POLI: variants seen among roughly 807,000 people sequenced by gnomAD.
POLI encodes the protein RAD30 homolog B.
POLI carries 58 observed loss-of-function variants against 51.6 expected under a neutral mutation model. The ratio of observed to expected loss-of-function variants is 1.12; its 90% CI spans 0.91 to 1.40. POLI has a LOEUF of 1.40. POLI is among the 40% of genes most tolerant of loss of function. The probability of loss-of-function intolerance (pLI) is 0.00; values close to 1 mark genes in which losing one functional copy is unlikely to be tolerated. For synonymous variants in POLI, 322 were observed against 299.7 expected, an observed-to-expected ratio of 1.07 and a Z score of -0.77; for missense variants, 921 against 871.3, an observed-to-expected ratio of 1.06 and a Z score of -0.72.
Position 54,294,608 on chromosome 18 carries a change from A to G in POLI, c.*141A>G, listed in dbSNP as rs939669075. 3.1e-6 allele frequency: 4 copies of G among 1,300,252 alleles called. No homozygotes were observed. The highest frequency in any genetic ancestry group is 1.5e-5 in the African/African-American group (1 of 66,140). The allele number at this position is 1,300,252 out of a possible 1,614,324, so 80.5% of individuals were successfully genotyped here. ...TCCAGATAAAGCAAGAATAGTTGCA[A>G]GAAGTAAATTCTGGCACAAAGCGTA... is the stretch of plus-strand genomic sequence containing the variant. On this transcript the variant is annotated 3_prime_UTR_variant, in exon 10 of 10. Coordinates refer to ENST00000579534, the MANE Select transcript of POLI (RefSeq NM_007195.3).
rs1476513803 is a variant in POLI, at chr18:54,295,011, A to C, written c.*544A>C. The C allele has an allele frequency of 1.0e-6, 1 of 985,202 alleles. No individual in the cohort carries two copies. Among genetic ancestry groups the C allele is most frequent in the Non-Finnish European group, 1.2e-6 (1 of 829,848 alleles). 61.0% of individuals were successfully genotyped at this position (985,202 alleles called of 1,614,324 possible). A position where few individuals can be genotyped will look rare whatever the true frequency, so the allele number is the denominator to read the frequency against. On this transcript the variant is annotated 3_prime_UTR_variant, in exon 10 of 10. Coordinates refer to ENST00000579534, the MANE Select transcript of POLI (RefSeq NM_007195.3). Reference sequence around the variant, plus strand: ...ATTAATGCTTCTTCATACACCAAGAATCTACCACAATACACAGCACACAAA... The same window carrying C: ...ATTAATGCTTCTTCATACACCAAGACTCTACCACAATACACAGCACACAAA...
chr18:54,313,699 T>A (rs1007680131), intron 3 of POLI, among the ~76,000 whole-genome samples: 2 of 152,226 alleles, frequency 1.3e-5, no homozygotes, highest in Non-Finnish European at 2.9e-5. Flanking sequence ...CCTAGGCATT[T>A]AGTTCTTTTT....
intron 3 of POLI, among the ~76,000 whole-genome samples, chr18:54,304,467 A>C (rs957639057): frequency 4.6e-5 from 7 of 152,146 alleles, no homozygotes; most frequent in South Asian, 2.1e-4. Flanking sequence ...CTGGCGTGAG[A>C]TGGTATCTCA....
intron 3 of POLI, among the ~76,000 whole-genome samples, chr18:54,313,181 C>T (rs1354876881): frequency 6.6e-6 from 1 of 152,122 alleles, no homozygotes; most frequent in Non-Finnish European, 1.5e-5. Flanking sequence ...AGCCAGTTAT[C>T]CCAGCACCAT....
At chr18:54,282,607 C>T (rs1046420380) in intron 5 of POLI, among the ~76,000 whole-genome samples, 1 of 151,924 alleles carries the variant, frequency 6.6e-6, no homozygotes, top group African/African-American at 2.4e-5. Context: ...TAAACTTTAT[C>T]ATAGGTATAT....
intron 1 of POLI, 139 bp from the exon 2 acceptor site, chr18:54,271,221 G>A (rs962187738): frequency 1.1e-4 from 66 of 617,678 alleles, no homozygotes; most frequent in South Asian, 1.0e-3. Flanking sequence ...GTAATTTTTC[G>A]ATGCTTTCAC....
chr18:54,269,531 G>A lies in POLI; in HGVS notation c.-16G>A, dbSNP rs776394458. ...CGGAAGCGGCCGGAAGTAGCGCTGC[G>A]GTTGGCAGCGGCGGGATGGAGAAGC... On this transcript the variant is annotated 5_prime_UTR_variant, in exon 1 of 10. Transcript: ENST00000579534. 3.3e-6 allele frequency: 5 copies of A among 1,507,188 alleles called. No individual in the cohort carries two copies. In the Admixed American group the frequency reaches 7.3e-5, roughly 22 times the overall value. The allele number at this position is 1,507,188 out of a possible 1,614,324, so 93.4% of individuals were successfully genotyped here.
At chr18:54,271,339 A>G in intron 1 of POLI, 21 bp from the exon 2 acceptor site, 1 of 1,588,560 alleles carries the variant, frequency 6.3e-7, no homozygotes, top group Non-Finnish European at 8.6e-7. Flanking sequence ...ATTTCTTTTT[A>G]TTTCTTTGCA....
chr18:54,281,667 A>G (rs887288324), intron 5 of POLI, among the ~76,000 whole-genome samples: 8 of 152,148 alleles, frequency 5.3e-5, no homozygotes, highest in Admixed American at 2.0e-4. Flanking sequence ...TCTGAAGAAC[A>G]ATGTCAGGTT....
chr18:54,273,327 GA>G (rs1403172745), intron 2 of POLI, among the ~76,000 whole-genome samples: 1 of 150,150 alleles, frequency 6.7e-6, no homozygotes, highest in Non-Finnish European at 1.5e-5. Context: ...TTACGGAGAA[GA>G]GAAGTTGAGT....
chr18:54,269,486 CG>C, upstream of POLI: 1 of 1,486,300 alleles, frequency 6.7e-7, no homozygotes, highest in Non-Finnish European at 8.9e-7. Context: ...TGTAGTCCCC[CG>C]GTTTCCCTGG....
chr18:54,316,357 T>G (rs548185800), intron 3 of POLI, among the ~76,000 whole-genome samples: 3 of 152,334 alleles, frequency 2.0e-5, no homozygotes, highest in Non-Finnish European at 4.4e-5. Context: ...TCTCATAAGC[T>G]TTTCTTGTGA....
intron 3 of POLI, 84 bp downstream of exon 3, chr18:54,274,174 A>G (rs1287372625): frequency 9.3e-6 from 6 of 647,490 alleles, no homozygotes; most frequent in East Asian, 6.8e-5. Flanking sequence ...ATAAATGTAA[A>G]ATAACATAAG....
chr18:54,291,770 A>G, intron 8 of POLI, 63 bp from the exon 9 acceptor site: 1 of 735,976 alleles, frequency 1.4e-6, no homozygotes, highest in Non-Finnish European at 2.2e-6. Flanking sequence ...TAATCTCAGC[A>G]ATATAAAATA....
At chr18:54,313,523 G>A (rs2088696455) in intron 3 of POLI, among the ~76,000 whole-genome samples, 1 of 152,006 alleles carries the variant, frequency 6.6e-6, no homozygotes, top group Non-Finnish European at 1.5e-5. Flanking sequence ...GAATATCATT[G>A]AATCTGTAAA....
chr18:54,308,191 A>G (rs1207716468), intron 3 of POLI, among the ~76,000 whole-genome samples: 3 of 152,046 alleles, frequency 2.0e-5, no homozygotes, highest in Admixed American at 2.0e-4. Flanking sequence ...GGTCTTTACA[A>G]TTTGGCATGT....
In POLI at chr18:54,280,807, G is replaced by A. The variant is rs1357123491; in HGVS notation, c.700G>A (p.Val234Ile). Residue 234 changes from valine to isoleucine, a missense_variant, in exon 5 of 10, where the codon GTT becomes ATT. Physicochemically the swap from Val to Ile is conservative, Grantham distance 29. Transcript: ENST00000579534. ...TTCTAATAAACTGTTGGCAAAATTA[G>A]TTTCTGGTGTCTTTAAACCAAATCA... ...VASNKLLAKL[V>I]SGVFKPNQQT... 1 of 1,613,726 alleles carries A rather than the reference G, an allele frequency of 6.2e-7. No individual in the cohort carries two copies. Among genetic ancestry groups the A allele is most frequent in the Non-Finnish European group, 8.5e-7 (1 of 1,179,718 alleles).
chr18:54,295,671 A>G lies in POLI; in HGVS notation c.*1204A>G. 2.8e-6 allele frequency: 1 copy of G among 356,016 alleles called. No homozygotes were observed. The highest frequency in any genetic ancestry group is 3.9e-6 in the Non-Finnish European group (1 of 255,178). The allele number at this position is 356,016 out of a possible 1,614,324, so 22.1% of individuals were successfully genotyped here. ...GAGACAGAGTCTCACTCTGTCGCCCAGGGTGGAGTACAGTGGCGCAATCCC... is the reference window on the plus strand; with the variant it reads ...GAGACAGAGTCTCACTCTGTCGCCCGGGGTGGAGTACAGTGGCGCAATCCC... On this transcript the variant is annotated 3_prime_UTR_variant, in exon 10 of 10. Transcript: ENST00000579534.
intron 7 of POLI, 116 bp downstream of exon 7, chr18:54,284,129 T>G (rs533961145): frequency 3.9e-6 from 2 of 513,284 alleles, no homozygotes; most frequent in South Asian, 6.0e-5. Context: ...GACTAAACAA[T>G]GTAAAAATAA....
Sources: gnomAD v4.1 joint callset for allele counts (sites outside exome capture counted in the v4.1 genomes callset) on GRCh38, gnomAD v4.1.1 for gene constraint, MANE v1.5 for transcripts, NCBI Gene and HGNC (gene_info 2026-07-23, HGNC 2026-07-21) for gene names.